The following ERG variants were observed in gnomAD, a reference collection of about 807,000 sequenced individuals.
ERG encodes transcriptional regulator ERG.
ERG carries 9 observed loss-of-function variants against 55.3 expected under a neutral mutation model. The observed-to-expected ratio is 0.16, with a 90% CI of 0.10 to 0.28. ERG has a LOEUF of 0.28. Among genes scored for constraint, ERG ranks in the 10% least tolerant of loss-of-function variants. ERG has a pLI of 1.00. For synonymous variants in ERG, 223 were observed against 237.3 expected (o/e 0.94, Z 0.55); for missense variants, 434 against 631.6 (o/e 0.69, Z 3.35).
intron 2 of ERG, among the ~76,000 whole-genome samples, chr21:38,573,146 T>C (rs1422858001): frequency 2.0e-5 from 3 of 152,160 alleles, no homozygotes; most frequent in Non-Finnish European, 4.4e-5. Flanking sequence ...CGCCATTCTC[T>C]AGCCTCAATA....
At chr21:38,436,020 C>CTTTTTTT (rs11384369) in intron 2 of ERG, among the ~76,000 whole-genome samples, 1 of 133,334 alleles carries the variant, frequency 7.5e-6, no homozygotes. Context: ...TTCTTTTTTT[C>CTTTTTTT]TTTTTTTTTT....
intron 1 of ERG, among the ~76,000 whole-genome samples, chr21:38,604,450 A>G (rs1046985554): frequency 2.0e-5 from 3 of 152,202 alleles, no homozygotes; most frequent in African/African-American, 7.2e-5. Context: ...AGATAGTTAC[A>G]CAAGGGTGGT....
chr21:38,402,736 GAA>G, intron 4 of ERG, 99 bp from the exon 5 acceptor site: 1 of 724,352 alleles, frequency 1.4e-6, no homozygotes, highest in Non-Finnish European at 2.0e-6. Flanking sequence ...AAAAAAGAAA[GAA>G]AAAGAAAGAA....
At chr21:38,622,098 C>T (rs1003478138) in intron 1 of ERG, among the ~76,000 whole-genome samples, 2 of 152,222 alleles carry the variant, frequency 1.3e-5, no homozygotes, top group African/African-American at 2.4e-5. Flanking sequence ...AAGGTGACCA[C>T]GTGCTGTCAG....
chr21:38,516,995 C>A (rs1440777839), intron 2 of ERG, among the ~76,000 whole-genome samples: 1 of 152,152 alleles, frequency 6.6e-6, no homozygotes, highest in East Asian at 1.9e-4. Context: ...AAACTTAAGA[C>A]CCCAAATTAT....
intron 1 of ERG, among the ~76,000 whole-genome samples, chr21:38,594,369 C>G (rs895078010): frequency 6.6e-6 from 1 of 152,212 alleles, no homozygotes; most frequent in African/African-American, 2.4e-5. Context: ...AACATGCCTC[C>G]CCGTTAACCC....
intron 4 of ERG, 95 bp downstream of exon 4, chr21:38,403,411 A>C (rs1246918534): frequency 2.5e-6 from 3 of 1,210,798 alleles, no homozygotes; most frequent in Non-Finnish European, 3.6e-6. Flanking sequence ...CGAGGGCAGG[A>C]GGATGCTGTC....
chr21:38,553,325 T>C (rs2059836562), intron 2 of ERG, among the ~76,000 whole-genome samples: 1 of 152,144 alleles, frequency 6.6e-6, no homozygotes, highest in Admixed American at 6.5e-5. Context: ...TTCACAGAAT[T>C]AGAAAAAACT....
intron 1 of ERG, among the ~76,000 whole-genome samples, chr21:38,480,432 T>C (rs2059226826): frequency 1.3e-5 from 2 of 152,028 alleles, no homozygotes; most frequent in African/African-American, 2.4e-5. Flanking sequence ...AACACCTCGA[T>C]TTTGGATTTC....
chr21:38,623,402 A>G (rs926638137), intron 1 of ERG, among the ~76,000 whole-genome samples: 2 of 152,190 alleles, frequency 1.3e-5, no homozygotes, highest in African/African-American at 2.4e-5. Context: ...AAGGAAATGA[A>G]CACCAAGATT....
At chr21:38,390,923 C>A in intron 9 of ERG, 72 bp downstream of exon 9, 3 of 1,219,956 alleles carry the variant, frequency 2.5e-6, no homozygotes, top group East Asian at 4.7e-5. Context: ...CTCACCAATA[C>A]CAATTTACTT....
chr21:38,550,183 A>G (rs907445878), intron 2 of ERG, among the ~76,000 whole-genome samples: 1 of 152,132 alleles, frequency 6.6e-6, no homozygotes, highest in African/African-American at 2.4e-5. Context: ...GAGTCACAGG[A>G]AAGAAGGGCC....
At chr21:38,658,257 T>G (rs2060531326) in intron 1 of ERG, among the ~76,000 whole-genome samples, 1 of 152,244 alleles carries the variant, frequency 6.6e-6, no homozygotes, top group African/African-American at 2.4e-5. Flanking sequence ...AGAAGTGACC[T>G]GATGCCTCAC....
chr21:38,570,573 G>C (rs2059951533), intron 2 of ERG, among the ~76,000 whole-genome samples: 1 of 152,174 alleles, frequency 6.6e-6, no homozygotes, highest in African/African-American at 2.4e-5. Flanking sequence ...TTAGTACTCA[G>C]TGGGGTCTAA....
intron 1 of ERG, among the ~76,000 whole-genome samples, chr21:38,610,421 A>T (rs2060219326): frequency 6.6e-6 from 1 of 152,254 alleles, no homozygotes; most frequent in Non-Finnish European, 1.5e-5. Context: ...GCCCAGACTC[A>T]GTCTCCCTCT....
At chr21:38,634,895 C>T (rs1424364998) in intron 1 of ERG, among the ~76,000 whole-genome samples, 1 of 152,176 alleles carries the variant, frequency 6.6e-6, no homozygotes, top group African/African-American at 2.4e-5. Flanking sequence ...AACTTGGAAG[C>T]AACCAAGGTT....
At chr21:38,425,599 G>A (rs1179267204) in intron 2 of ERG, among the ~76,000 whole-genome samples, 2 of 152,164 alleles carry the variant, frequency 1.3e-5, no homozygotes, top group African/African-American at 4.8e-5. Context: ...TGCCTCTCAG[G>A]CTCTATCCAA....
intron 1 of ERG, chr21:38,471,553 C>G (rs969215954): frequency 6.6e-6 from 1 of 152,170 alleles, no homozygotes; most frequent in African/African-American, 2.4e-5. Flanking sequence ...TCTACTTTCC[C>G]AAGAAACCCT....
intron 2 of ERG, among the ~76,000 whole-genome samples, chr21:38,560,303 C>T (rs2059885083): frequency 6.6e-6 from 1 of 152,152 alleles, no homozygotes; most frequent in East Asian, 1.9e-4. Flanking sequence ...AGGTGTCCCA[C>T]TAGGATCTCC....
Sources: allele counts gnomAD v4.1 joint callset (sites outside exome capture counted in the v4.1 genomes callset), GRCh38; gene constraint gnomAD v4.1.1; transcripts MANE v1.5; gene names NCBI Gene and HGNC (gene_info 2026-07-23, HGNC 2026-07-21).